Variants in STXBP5L observed in about 807,000 individuals in gnomAD.
STXBP5L encodes the protein syntaxin-binding protein 5-like.
STXBP5L carries 65 observed loss-of-function variants against 144.5 expected under a neutral mutation model. The ratio of observed to expected loss-of-function variants is 0.45; its 90% confidence interval spans 0.37 to 0.55. The LOEUF is 0.55. Among genes scored for constraint, STXBP5L ranks in the 20% least tolerant of loss-of-function variants. The probability of loss-of-function intolerance (pLI) is 0.00; values close to 1 mark genes in which losing one functional copy is unlikely to be tolerated. For synonymous variants in STXBP5L, 505 were observed against 469.6 expected (o/e 1.08, Z -0.97); for missense variants, 1,298 against 1,405.5 (o/e 0.92, Z 1.22).
chr3:120,977,886 G>T (rs983864863), intron 3 of STXBP5L, among the ~76,000 whole-genome samples: 37 of 152,188 alleles, frequency 2.4e-4, no homozygotes, highest in African/African-American at 8.9e-4. Context: ...ACTCTCTTCT[G>T]GCTTGCAGAT....
intron 5 of STXBP5L, among the ~76,000 whole-genome samples, chr3:121,066,345 C>T (rs1329453552): frequency 6.9e-6 from 1 of 145,148 alleles, no homozygotes; most frequent in East Asian, 2.0e-4. Context: ...TTATTTTGCT[C>T]TTATTTTCCT....
At chr3:121,180,462 A>G (rs564449504) in intron 9 of STXBP5L, among the ~76,000 whole-genome samples, 111 of 152,368 alleles carry the variant, frequency 7.3e-4, no homozygotes, top group African/African-American at 2.7e-3. Context: ...CAAAACCTCA[A>G]AATACACCAA....
intron 11 of STXBP5L, among the ~76,000 whole-genome samples, chr3:121,224,454 C>T (rs1367490646): frequency 6.6e-6 from 1 of 152,018 alleles, no homozygotes; most frequent in Admixed American, 6.6e-5. Flanking sequence ...TCTATGGCCC[C>T]AGTACTACAA....
chr3:121,004,208 T>C (rs546424318), intron 3 of STXBP5L, among the ~76,000 whole-genome samples: 7 of 152,286 alleles, frequency 4.6e-5, no homozygotes, highest in African/African-American at 1.7e-4. Flanking sequence ...CATTTGTTTG[T>C]ATCCTCTTTT....
chr3:121,002,856 T>C (rs974570655), intron 3 of STXBP5L, among the ~76,000 whole-genome samples: 14 of 152,128 alleles, frequency 9.2e-5, no homozygotes, highest in Non-Finnish European at 1.9e-4. Context: ...GTTTCCAGCT[T>C]CATCCATGTC....
chr3:121,399,864 C>A (rs2046829515), intron 22 of STXBP5L, among the ~76,000 whole-genome samples: 1 of 152,144 alleles, frequency 6.6e-6, no homozygotes, highest in African/African-American at 2.4e-5. Flanking sequence ...TTTTGGGGGG[C>A]CTGTTTCCAA....
rs76589013 is a variant in STXBP5L at position 120,939,332 on chromosome 3, C to A, written c.190-15608C>A. Among the ~76,000 whole-genome samples the A allele has an allele frequency of 5.4e-3, 826 of 152,200 alleles. 7 individuals are homozygous for A. The highest frequency in any genetic ancestry group is 0.019 in the African/African-American group (778 of 41,536). ...TTTTCAAGTTCTTTGCAACTGGCAA[C>A]AAATAAGCTAAGAAAGAAAGACATG... On this transcript the variant is annotated intron_variant, in intron 2 of 26. Coordinates refer to ENST00000471454, the MANE Select transcript of STXBP5L (RefSeq NM_001308330.2).
chr3:121,185,410 C>G (rs570153687), intron 9 of STXBP5L, among the ~76,000 whole-genome samples: 1 of 152,268 alleles, frequency 6.6e-6, no homozygotes, highest in South Asian at 2.1e-4. Context: ...AGGTTTTCTT[C>G]TAGGGTTTTT....
At chr3:120,962,698 A>T (rs1318173694) in intron 3 of STXBP5L, among the ~76,000 whole-genome samples, 1 of 152,194 alleles carries the variant, frequency 6.6e-6, no homozygotes. Flanking sequence ...TATAGTTTGA[A>T]GTCAGGTAGC....
intron 2 of STXBP5L, among the ~76,000 whole-genome samples, chr3:120,920,859 A>T (rs1709328004): frequency 6.6e-6 from 1 of 151,882 alleles, no homozygotes; most frequent in Non-Finnish European, 1.5e-5. Flanking sequence ...TTGTGTATAT[A>T]TACCATATTT....
intron 7 of STXBP5L, among the ~76,000 whole-genome samples, chr3:121,124,346 G>A (rs928026389): frequency 2.6e-5 from 4 of 151,848 alleles, no homozygotes; most frequent in African/African-American, 9.7e-5. Flanking sequence ...AGCTCAATGT[G>A]ATTCTCAATT....
intron 3 of STXBP5L, among the ~76,000 whole-genome samples, chr3:120,994,305 C>T (rs1001787623): frequency 6.6e-6 from 1 of 151,994 alleles, no homozygotes; most frequent in Non-Finnish European, 1.5e-5. Context: ...ATTGCTCTGG[C>T]TAGAATTTTC....
chr3:121,298,922 A>C (rs1383181194), intron 19 of STXBP5L, among the ~76,000 whole-genome samples: 1 of 152,170 alleles, frequency 6.6e-6, no homozygotes, highest in African/African-American at 2.4e-5. Flanking sequence ...TGTGTTTTTT[A>C]CCATTGAATA....
At chr3:121,202,529 G>A (rs1256562681) in intron 9 of STXBP5L, among the ~76,000 whole-genome samples, 3 of 151,984 alleles carry the variant, frequency 2.0e-5, no homozygotes, top group Non-Finnish European at 2.9e-5. Context: ...ATTACTTGCT[G>A]GGTCACTTTC....
rs947777385 is a variant in STXBP5L, at chr3:120,911,466, C to T, written c.189+1699C>T. ...ACTCTTGGGTAAGCCATTTATCTCC[C>T]TTGAGCCTTGATTTCTGCATCTGCA... is the stretch of plus-strand genomic sequence containing the variant. On this transcript the variant is annotated intron_variant, in intron 2 of 26. Transcript: ENST00000471454. Among the ~76,000 whole-genome samples, 7 of 152,198 alleles carry T rather than the reference C, an allele frequency of 4.6e-5. No individual in the cohort carries two copies. The East Asian group carries it at 1.4e-3, about 29-fold the overall frequency.
chr3:121,111,887 C>T (rs1025505056), intron 5 of STXBP5L, among the ~76,000 whole-genome samples: 1 of 151,992 alleles, frequency 6.6e-6, no homozygotes, highest in Non-Finnish European at 1.5e-5. Context: ...GGGCTCTATC[C>T]CAGGGAGATC....
intron 9 of STXBP5L, among the ~76,000 whole-genome samples, chr3:121,179,609 A>G (rs2047063407): frequency 1.3e-5 from 2 of 152,334 alleles, no homozygotes; most frequent in South Asian, 4.1e-4. Context: ...TGCCAGATAA[A>G]GAATTCAGAT....
chr3:121,326,212 C>G (rs1388385479), intron 20 of STXBP5L, among the ~76,000 whole-genome samples: 1 of 151,874 alleles, frequency 6.6e-6, no homozygotes, highest in East Asian at 1.9e-4. Flanking sequence ...CATGCTGGAG[C>G]AAATTCTAAT....
intron 11 of STXBP5L, among the ~76,000 whole-genome samples, chr3:121,229,163 G>T (rs1487443563): frequency 6.6e-6 from 1 of 151,884 alleles, no homozygotes; most frequent in Non-Finnish European, 1.5e-5. Flanking sequence ...CAGTTATATC[G>T]CTCTAGGAAA....
Sources: gnomAD v4.1 joint callset for allele counts (sites outside exome capture counted in the v4.1 genomes callset) on GRCh38, gnomAD v4.1.1 for gene constraint, MANE v1.5 for transcripts, NCBI Gene and HGNC (gene_info 2026-07-23, HGNC 2026-07-21) for gene names.